The following KDM3B variants were observed in gnomAD, a reference collection of about 807,000 sequenced individuals.
The protein encoded by KDM3B is lysine-specific demethylase 3B.
In KDM3B, 10 loss-of-function variants were observed where a neutral mutation model predicts 170.0. The observed-to-expected ratio is 0.06, with a 90% CI of 0.04 to 0.10. KDM3B has a LOEUF of 0.10. KDM3B is among the 10% of genes least tolerant of loss of function. The pLI, the probability that KDM3B is intolerant of heterozygous loss-of-function variation, is 1.00. For missense variants in KDM3B, 1,394 were observed against 2,195.2 expected, an observed-to-expected ratio of 0.64 and a Z score of 7.29; for synonymous variants, 831 against 834.8, an observed-to-expected ratio of 1.00 and a Z score of 0.08.
At chr5:138,369,728 G>A (rs1228795481) in intron 1 of KDM3B, among the ~76,000 whole-genome samples, 1 of 152,086 alleles carries the variant, frequency 6.6e-6, no homozygotes, top group African/African-American at 2.4e-5. Context: ...GTGATCTTAT[G>A]CCTCTGAATA....
At chr5:138,382,810 C>T (rs1434671997) in intron 6 of KDM3B, among the ~76,000 whole-genome samples, 1 of 152,164 alleles carries the variant, frequency 6.6e-6, no homozygotes, top group African/African-American at 2.4e-5. Context: ...CTGTTTACTA[C>T]ATGTAATATT....
intron 1 of KDM3B, among the ~76,000 whole-genome samples, chr5:138,370,220 C>T (rs1204064946): frequency 1.3e-5 from 2 of 152,192 alleles, no homozygotes; most frequent in African/African-American, 4.8e-5. Context: ...CTGAGCCTTG[C>T]ATCTCCATCT....
chr5:138,422,201 CAT>C (rs1763289725), intron 15 of KDM3B, among the ~76,000 whole-genome samples: 1 of 152,136 alleles, frequency 6.6e-6, no homozygotes, highest in Non-Finnish European at 1.5e-5. Flanking sequence ...TGACCTATTA[CAT>C]GTTTGATTTT....
At chr5:138,386,927 G>A (rs191183077) in intron 7 of KDM3B, among the ~76,000 whole-genome samples, 2 of 152,192 alleles carry the variant, frequency 1.3e-5, no homozygotes, top group African/African-American at 4.8e-5. Context: ...TTTAGTTCAC[G>A]TAGTGATCAA....
Position 138,398,325 on chromosome 5 carries a change from T to A in KDM3B, c.2979T>A (p.Asn993Lys). ...AGACCTCAAAATACATCCTGGCCAA[T>A]GTTGGGGACCAGTTCTGCCAGCTCG... is the stretch of plus-strand genomic sequence containing the variant. ...DLETSKYILA[N>K]VGDQFCQLVM... Residue 993 changes from asparagine (N) to lysine (K), a missense_variant, in exon 10 of 24, where the codon AAT becomes AAA. Coordinates refer to ENST00000314358, the MANE Select transcript of KDM3B (RefSeq NM_016604.4). The A allele has an allele frequency of 6.2e-7, 1 of 1,614,096 alleles. No homozygotes were observed. Among genetic ancestry groups the A allele is most frequent in the Non-Finnish European group, 8.5e-7 (1 of 1,179,978 alleles).
chr5:138,424,472 T>G, intron 16 of KDM3B, 131 bp downstream of exon 16: 1 of 1,079,012 alleles, frequency 9.3e-7, no homozygotes, highest in Non-Finnish European at 1.3e-6. Context: ...CCTTGCTACT[T>G]CGAGTTGTCT....
intron 11 of KDM3B, among the ~76,000 whole-genome samples, chr5:138,401,975 C>T (rs114857680): frequency 0.012 from 1,879 of 151,842 alleles, 39 homozygotes; most frequent in African/African-American, 0.042. Context: ...GTCACTCAGG[C>T]TGGAGTGCAG....
At chr5:138,398,135 T>G in intron 9 of KDM3B, 43 bp from the exon 10 acceptor site, 1 of 1,467,934 alleles carries the variant, frequency 6.8e-7, no homozygotes, top group Non-Finnish European at 9.4e-7. Context: ...TGTGTTAGTT[T>G]GCGTTGCTCC....
chr5:138,372,105 C>G (rs1761889205), intron 1 of KDM3B, among the ~76,000 whole-genome samples: 3 of 152,094 alleles, frequency 2.0e-5, no homozygotes, highest in African/African-American at 7.2e-5. Context: ...AGAGTGAGAC[C>G]CTGTCTCAAT....
intron 7 of KDM3B, 34 bp from the exon 8 acceptor site, chr5:138,390,979 C>G: frequency 6.6e-7 from 1 of 1,512,070 alleles, no homozygotes; most frequent in Non-Finnish European, 8.9e-7. Context: ...TCATGAGAAG[C>G]CAGCATCACT....
intron 23 of KDM3B, among the ~76,000 whole-genome samples, chr5:138,434,531 G>A (rs1763624812): frequency 6.7e-6 from 1 of 148,570 alleles, no homozygotes; most frequent in African/African-American, 2.5e-5. Context: ...GTGGGCAACA[G>A]TGTTAGACTC....
intron 9 of KDM3B, among the ~76,000 whole-genome samples, chr5:138,397,059 A>T (rs1323001761): frequency 2.6e-5 from 4 of 152,158 alleles, no homozygotes; most frequent in African/African-American, 9.7e-5. Flanking sequence ...GGCCAGGCGC[A>T]GTGGCTCACG....
chr5:138,392,920 C>T (rs1762469651), intron 8 of KDM3B, among the ~76,000 whole-genome samples: 1 of 152,230 alleles, frequency 6.6e-6, no homozygotes, highest in African/African-American at 2.4e-5. Flanking sequence ...ATGTTTTTCA[C>T]ATCCATATTC....
intron 11 of KDM3B, among the ~76,000 whole-genome samples, chr5:138,404,092 C>T (rs1762758377): frequency 6.6e-6 from 1 of 151,884 alleles, no homozygotes; most frequent in African/African-American, 2.4e-5. Context: ...AGAAAAATGA[C>T]CTACATTTAT....
At chr5:138,357,636 A>AGGT (rs1761485294) in intron 1 of KDM3B, among the ~76,000 whole-genome samples, 1 of 152,246 alleles carries the variant, frequency 6.6e-6, no homozygotes, top group Non-Finnish European at 1.5e-5. Flanking sequence ...TTGGGATTAC[A>AGGT]GGCGTGAGCC....
At chr5:138,390,929 T>G in intron 7 of KDM3B, 84 bp from the exon 8 acceptor site, 1 of 1,275,818 alleles carries the variant, frequency 7.8e-7, no homozygotes, top group Non-Finnish European at 1.1e-6. Context: ...GAAATGTTGA[T>G]CTGGTGATAG....
intron 1 of KDM3B, among the ~76,000 whole-genome samples, chr5:138,366,190 T>A (rs933017570): frequency 6.6e-6 from 1 of 152,168 alleles, no homozygotes; most frequent in South Asian, 2.1e-4. Flanking sequence ...ATCTCATTTT[T>A]AAAAACTCCT....
intron 11 of KDM3B, among the ~76,000 whole-genome samples, chr5:138,405,066 C>T (rs1190407666): frequency 7.3e-6 from 1 of 137,028 alleles, no homozygotes; most frequent in African/African-American, 2.8e-5. Flanking sequence ...TTTTTTGAGA[C>T]AGAGTGTCGT....
intron 23 of KDM3B, among the ~76,000 whole-genome samples, chr5:138,432,805 C>T (rs73259805): frequency 0.26 from 38,997 of 151,840 alleles, 5,671 homozygotes; most frequent in East Asian, 0.56. Flanking sequence ...AGTGCAGTGG[C>T]GTGATCTCGG....
Sources: allele counts gnomAD v4.1 joint callset (sites outside exome capture counted in the v4.1 genomes callset), GRCh38; gene constraint gnomAD v4.1.1; transcripts MANE v1.5; gene names NCBI Gene and HGNC (gene_info 2026-07-23, HGNC 2026-07-21).